The following EPHA5 variants were observed in gnomAD, a reference collection of about 807,000 sequenced individuals.
EPHA5 encodes the protein EPH receptor A5.
EPHA5 carries 60 observed loss-of-function variants against 105.0 expected under a neutral mutation model. The ratio of observed to expected loss-of-function variants is 0.57; its 90% CI spans 0.46 to 0.71. The LOEUF (loss-of-function observed/expected upper bound fraction) is 0.71, where lower values mean the gene tolerates loss of function less well. Among genes scored for constraint, EPHA5 ranks in the 30% least tolerant of loss-of-function variants. The pLI is 0.00. For missense variants in EPHA5, 1,218 were observed against 1,274.7 expected (o/e 0.96, Z 0.68); for synonymous variants, 513 against 449.1 (o/e 1.14, Z -1.80).
chr4:65,497,860 A>T (rs138617586), intron 3 of EPHA5, among the ~76,000 whole-genome samples: 110 of 152,118 alleles, frequency 7.2e-4, no homozygotes, highest in African/African-American at 2.4e-3. Flanking sequence ...TTCAGCAGGT[A>T]TAGTGGGCCA....
chr4:65,599,348 A>ACACAC (rs71205393), intron 3 of EPHA5, among the ~76,000 whole-genome samples: 2 of 148,564 alleles, frequency 1.3e-5, no homozygotes, highest in Non-Finnish European at 3.0e-5. Context: ...GGCATTTTAT[A>ACACAC]ACACACACAC....
intron 11 of EPHA5, among the ~76,000 whole-genome samples, chr4:65,362,350 A>G (rs930363903): frequency 2.0e-5 from 3 of 151,714 alleles, no homozygotes; most frequent in Middle Eastern, 3.2e-3. Flanking sequence ...GCATCAGATC[A>G]GAGAGCATGA....
intron 2 of EPHA5, among the ~76,000 whole-genome samples, chr4:65,641,880 A>T (rs1249191305): frequency 2.6e-5 from 4 of 152,108 alleles, no homozygotes; most frequent in East Asian, 3.9e-4. Context: ...AGAATAATTT[A>T]AAAAATCCCA....
chr4:65,557,720 G>A (rs929228032), intron 3 of EPHA5, among the ~76,000 whole-genome samples: 3 of 152,076 alleles, frequency 2.0e-5, no homozygotes, highest in Non-Finnish European at 2.9e-5. Context: ...GATGCAGCAA[G>A]ATTCTGGCAA....
In EPHA5 at chr4:65,668,185, A is replaced by G. The variant is rs1022717981; in HGVS notation, c.181+1377T>C. ...ATGGGATGAGGGCAGGGGAGCCTCT[A>G]TCTGCCCTGCTTTCACACCCTTCCT... On this transcript the variant is annotated intron_variant, in intron 1 of 16. Transcript: ENST00000613740. Among the ~76,000 whole-genome samples the G allele has an allele frequency of 1.3e-5, 2 of 152,166 alleles. 1 individual carries two copies. The highest frequency in any genetic ancestry group is 4.8e-5 in the African/African-American group (2 of 41,426).
intron 3 of EPHA5, among the ~76,000 whole-genome samples, chr4:65,536,150 A>T (rs1736262336): frequency 6.6e-6 from 1 of 152,012 alleles, no homozygotes; most frequent in East Asian, 1.9e-4. Context: ...CTTTAGTAAC[A>T]TAATATACTT....
At chr4:65,655,937 A>G (rs1749014899) in intron 1 of EPHA5, among the ~76,000 whole-genome samples, 1 of 152,078 alleles carries the variant, frequency 6.6e-6, no homozygotes. Flanking sequence ...CATTCCTTTT[A>G]TATTTTAACA....
At chr4:65,394,740 A>G (rs1163051096) in intron 8 of EPHA5, among the ~76,000 whole-genome samples, 1 of 152,210 alleles carries the variant, frequency 6.6e-6, no homozygotes. Flanking sequence ...TATAAATTAG[A>G]TAAGATCTAG....
intron 8 of EPHA5, among the ~76,000 whole-genome samples, chr4:65,395,655 G>A (rs778199195): frequency 1.3e-5 from 2 of 152,090 alleles, no homozygotes; most frequent in Non-Finnish European, 2.9e-5. Context: ...TTCAATTGTT[G>A]AATAGAACAT....
rs1200636720 is a variant in EPHA5, at chr4:65,366,006, G to C, written c.1913C>G (p.Pro638Arg). ...TYIDPHTYED[P>R]NQAVHEFAKE... ...AGCAAATTCGTGGACAGCTTGATTGGGATCCTCATAGGTATGTGGATCAAT... is the reference window on the plus strand; with the variant it reads ...AGCAAATTCGTGGACAGCTTGATTGCGATCCTCATAGGTATGTGGATCAAT... The change falls in exon 10 of 17, where the codon CCC becomes CGC. Residue 638 changes from proline to arginine, a missense_variant. Coordinates refer to ENST00000613740, the MANE Select transcript of EPHA5 (RefSeq NM_001281766.3). The C allele has an allele frequency of 3.1e-6, 5 of 1,606,818 alleles. No homozygotes were observed. The highest frequency in any genetic ancestry group is 4.3e-6 in the Non-Finnish European group (5 of 1,174,950).
In EPHA5 at chr4:65,602,040, A is replaced by G. The variant is rs879110644; in HGVS notation, c.511T>C (p.Tyr171His). ...GCAGCAATGGTATCAATTTTGATGT[A>G]TTGGTTTTCCTTGATGTTTCTCCCA... Reference protein sequence around the residue: ...QNGRNIKENQYIKIDTIAADE... With the variant: ...QNGRNIKENQHIKIDTIAADE... The change falls in exon 3 of 17, where the codon TAC becomes CAC. Residue 171 changes from tyrosine (Y) to histidine (H), a missense_variant. Tyr to His is a moderately conservative substitution (Grantham distance 83, BLOSUM62 2). Around this residue, in one of 3 missense-constraint regions of EPHA5, gnomAD observed 233 missense variants for 227.5 expected, o/e 1.02. Coordinates refer to ENST00000613740, the MANE Select transcript of EPHA5 (RefSeq NM_001281766.3). 3 of 1,614,108 alleles carry G rather than the reference A, an allele frequency of 1.9e-6. No homozygotes were observed. The highest frequency in any genetic ancestry group is 2.5e-6 in the Non-Finnish European group (3 of 1,179,996).
chr4:65,506,572 G>A (rs1733049147), intron 3 of EPHA5, among the ~76,000 whole-genome samples: 1 of 145,378 alleles, frequency 6.9e-6, no homozygotes, highest in South Asian at 2.2e-4. Context: ...TCTCATTGTG[G>A]TTTTGATTTG....
intron 8 of EPHA5, among the ~76,000 whole-genome samples, chr4:65,375,827 C>G (rs1388588845): frequency 4.6e-5 from 7 of 151,186 alleles, no homozygotes; most frequent in African/African-American, 1.7e-4. Flanking sequence ...TAAAGCCAAA[C>G]TTTATACTAT....
chr4:65,333,755 A>T (rs1362643740), intron 15 of EPHA5, among the ~76,000 whole-genome samples: 2 of 151,024 alleles, frequency 1.3e-5, no homozygotes, highest in East Asian at 2.0e-4. Flanking sequence ...CTTTTTAAAA[A>T]TTTTTGTTTC....
At chr4:65,478,407 T>A (rs986651173) in intron 5 of EPHA5, among the ~76,000 whole-genome samples, 2 of 152,190 alleles carry the variant, frequency 1.3e-5, no homozygotes, top group African/African-American at 4.8e-5. Flanking sequence ...TTGATGAAAA[T>A]CAAATTACAA....
chr4:65,320,292 A>T lies in EPHA5; in HGVS notation c.*3822T>A, dbSNP rs1042055113. ...ATGACTTATTTTACTTATTAATGTC[A>T]AATAAAGCTAGCATTTTGATTCCAT... On this transcript the variant is annotated 3_prime_UTR_variant, in exon 17 of 17. Transcript: ENST00000613740. 2 of 230,278 alleles carry T rather than the reference A, an allele frequency of 8.7e-6. No individual in the cohort carries two copies. Among genetic ancestry groups the T allele is most frequent in the Admixed American group, 5.7e-5 (1 of 17,610 alleles). The allele number at this position is 230,278 out of a possible 1,614,324, so 14.3% of individuals were successfully genotyped here.
chr4:65,574,591 T>C (rs1190178264), intron 3 of EPHA5, among the ~76,000 whole-genome samples: 2 of 143,558 alleles, frequency 1.4e-5, no homozygotes, highest in East Asian at 3.9e-4. Context: ...TCTCTCTCTA[T>C]ATATTGCTGT....
At chr4:65,663,473 T>A (rs1749711171) in intron 1 of EPHA5, among the ~76,000 whole-genome samples, 3 of 151,844 alleles carry the variant, frequency 2.0e-5, no homozygotes, top group East Asian at 1.9e-4. Context: ...GAAAAAAAAA[T>A]AAAAAACAAA....
intron 2 of EPHA5, among the ~76,000 whole-genome samples, chr4:65,618,906 G>A (rs1745472131): frequency 6.6e-6 from 1 of 152,200 alleles, no homozygotes; most frequent in South Asian, 2.1e-4. Flanking sequence ...TGTAATCCCA[G>A]CACTTTGGGA....
Sources: gnomAD v4.1 joint callset for allele counts (sites outside exome capture counted in the v4.1 genomes callset) on GRCh38, gnomAD v4.1.1 for gene constraint, gnomAD v4.1.1 regional missense constraint, MANE v1.5 for transcripts, NCBI Gene and HGNC (gene_info 2026-07-23, HGNC 2026-07-21) for gene names.